The following MSI2 variants were observed in gnomAD, a reference collection of about 807,000 sequenced individuals.
The protein encoded by MSI2 is RNA-binding protein Musashi homolog 2.
In MSI2, 17 loss-of-function variants were observed where a neutral mutation model predicts 45.6. The observed-to-expected ratio is 0.37, with a 90% CI of 0.26 to 0.56. The LOEUF (loss-of-function observed/expected upper bound fraction) is 0.56. Among genes scored for constraint, MSI2 ranks in the 20% least tolerant of loss-of-function variants. The pLI, the probability that MSI2 is intolerant of heterozygous loss-of-function variation, is 0.77. For synonymous variants in MSI2, 156 were observed against 158.2 expected (o/e 0.99, Z 0.11); for missense variants, 293 against 444.2 (o/e 0.66, Z 3.06).
At chr17:57,547,701 G>C (rs1344856747) in intron 7 of MSI2, among the ~76,000 whole-genome samples, 1 of 150,392 alleles carries the variant, frequency 6.6e-6, no homozygotes. Flanking sequence ...TTCCCATTGG[G>C]ATCCATTTGG....
intron 7 of MSI2, among the ~76,000 whole-genome samples, chr17:57,533,167 C>G (rs775864749): frequency 1.2e-4 from 18 of 152,188 alleles, no homozygotes; most frequent in Non-Finnish European, 2.1e-4. Flanking sequence ...GGGATGCCCT[C>G]AGTTCCATCT....
At chr17:57,420,644 C>T (rs2084377823) in intron 6 of MSI2, among the ~76,000 whole-genome samples, 1 of 152,200 alleles carries the variant, frequency 6.6e-6, no homozygotes, top group African/African-American at 2.4e-5. Flanking sequence ...GGGTCTTTGA[C>T]ACCAGGAGCT....
chr17:57,561,323 G>A (rs530344385), intron 7 of MSI2, among the ~76,000 whole-genome samples: 18 of 152,222 alleles, frequency 1.2e-4, no homozygotes, highest in East Asian at 1.2e-3. Flanking sequence ...GTGCAGTTGC[G>A]TCACCCATGT....
intron 5 of MSI2, among the ~76,000 whole-genome samples, chr17:57,298,091 C>T (rs1247675615): frequency 6.6e-6 from 1 of 150,656 alleles, no homozygotes; most frequent in Non-Finnish European, 1.5e-5. Context: ...TTAATGGCAT[C>T]TAGAGTGGTG....
chr17:57,572,993 C>G (rs2087918769), intron 7 of MSI2, among the ~76,000 whole-genome samples: 1 of 152,206 alleles, frequency 6.6e-6, no homozygotes, highest in Non-Finnish European at 1.5e-5. Context: ...ACAACTCCGT[C>G]TGAGGATCCC....
chr17:57,393,190 T>G (rs1398316998), intron 5 of MSI2, among the ~76,000 whole-genome samples: 16 of 152,324 alleles, frequency 1.1e-4, no homozygotes, highest in African/African-American at 2.2e-4. Flanking sequence ...CTCAAAAATC[T>G]GAAACTTTTT....
chr17:57,363,015 T>A (rs1033923681), intron 5 of MSI2, among the ~76,000 whole-genome samples: 1 of 152,236 alleles, frequency 6.6e-6, no homozygotes, highest in Non-Finnish European at 1.5e-5. Flanking sequence ...TCTGGTTATA[T>A]ACATGAGAGA....
chr17:57,513,071 T>C (rs2086392733), intron 6 of MSI2, among the ~76,000 whole-genome samples: 1 of 147,156 alleles, frequency 6.8e-6, no homozygotes, highest in Non-Finnish European at 1.5e-5. Context: ...CCTCCCGGGT[T>C]CAAGCGATTC....
At chr17:57,455,070 G>A (rs375357267) in intron 6 of MSI2, among the ~76,000 whole-genome samples, 66 of 152,162 alleles carry the variant, frequency 4.3e-4, no homozygotes, top group African/African-American at 1.5e-3. Flanking sequence ...CTTACAGAGC[G>A]CCTAGCTCTC....
chr17:57,373,123 GGT>G (rs1289121677), intron 5 of MSI2, among the ~76,000 whole-genome samples: 1 of 151,952 alleles, frequency 6.6e-6, no homozygotes, highest in African/African-American at 2.4e-5. Flanking sequence ...TGGGCGTGGT[GGT>G]GTGTGTCTGT....
At chr17:57,649,136 G>A (rs1910921729) in intron 10 of MSI2, among the ~76,000 whole-genome samples, 1 of 151,764 alleles carries the variant, frequency 6.6e-6, no homozygotes, top group South Asian at 2.1e-4. Flanking sequence ...CCCAACACAT[G>A]CACAACACAC....
chr17:57,550,199 G>A (rs1424420049), intron 7 of MSI2, among the ~76,000 whole-genome samples: 1 of 152,196 alleles, frequency 6.6e-6, no homozygotes, highest in East Asian at 1.9e-4. Context: ...GGGGCTTGCA[G>A]AACTGTTCTT....
At chr17:57,492,534 G>T (rs115579379) in intron 6 of MSI2, among the ~76,000 whole-genome samples, 31 of 152,170 alleles carry the variant, frequency 2.0e-4, no homozygotes, top group Admixed American at 2.0e-3. Flanking sequence ...AGTACATGGG[G>T]CCTCTTTCCC....
chr17:57,645,024 G>A (rs752614964), intron 10 of MSI2, among the ~76,000 whole-genome samples: 4 of 152,130 alleles, frequency 2.6e-5, no homozygotes, highest in East Asian at 1.9e-4. Flanking sequence ...GGTTCATGAC[G>A]TAATACTCCC....
chr17:57,439,621 C>T (rs1459847594), intron 6 of MSI2, among the ~76,000 whole-genome samples: 2 of 150,858 alleles, frequency 1.3e-5, no homozygotes, highest in South Asian at 2.1e-4. Context: ...TGCAGTGGCA[C>T]GATCTTGGCT....
chr17:57,547,921 G>A (rs938078950), intron 7 of MSI2, among the ~76,000 whole-genome samples: 8 of 152,132 alleles, frequency 5.3e-5, no homozygotes, highest in African/African-American at 1.4e-4. Context: ...AGAAAGGGTG[G>A]TTGTTTGGTC....
At position 57,410,339 on chromosome 17, in the gene MSI2, G is replaced by A. The variant is rs186047596; in HGVS notation, c.405+8868G>A. Among the ~76,000 whole-genome samples, 167 of 152,182 alleles carry A rather than the reference G, an allele frequency of 1.1e-3. 1 individual carries two copies. The highest frequency in any genetic ancestry group is 4.0e-3 in the African/African-American group (164 of 41,474). The stretch of plus-strand genomic sequence containing the variant: ...CTAACTTCATACCTGTTTACATTCT[G>A]CCTTCTTCATTTAATCCAGCTGCTG... On this transcript the variant is annotated intron_variant, in intron 6 of 13. Transcript: ENST00000284073.
intron 10 of MSI2, among the ~76,000 whole-genome samples, chr17:57,646,363 C>G (rs1322307988): frequency 6.6e-6 from 1 of 152,224 alleles, no homozygotes; most frequent in African/African-American, 2.4e-5. Context: ...ATCATCACAA[C>G]TCCAAAAAGT....
intron 8 of MSI2, among the ~76,000 whole-genome samples, chr17:57,609,232 G>A (rs949210620): frequency 2.0e-5 from 3 of 152,182 alleles, no homozygotes; most frequent in Non-Finnish European, 2.9e-5. Context: ...CTGATCAGGC[G>A]CAAGACCAGG....
Sources: gnomAD v4.1 joint callset for allele counts (sites outside exome capture counted in the v4.1 genomes callset) on GRCh38, gnomAD v4.1.1 for gene constraint, MANE v1.5 for transcripts, NCBI Gene and HGNC (gene_info 2026-07-23, HGNC 2026-07-21) for gene names.